The following CORO2B variants were observed in gnomAD, a reference collection of about 807,000 sequenced individuals.
CORO2B encodes the protein coronin 2B.
Under a neutral mutation model 58.8 loss-of-function variants are expected in CORO2B, and 26 were observed. The ratio of observed to expected loss-of-function variants is 0.44; its 90% confidence interval spans 0.32 to 0.61. The LOEUF (loss-of-function observed/expected upper bound fraction) is 0.61, where lower values mean the gene tolerates loss of function less well. Ranked by LOEUF, CORO2B falls within the 20% of genes least tolerant of loss-of-function variation. CORO2B has a pLI of 0.04. For missense variants in CORO2B, 460 were observed against 645.1 expected (o/e 0.71, Z 3.11); for synonymous variants, 242 against 253.8 (o/e 0.95, Z 0.44).
At chr15:68,547,832 T>C in the CORO2B span, among the ~76,000 whole-genome samples, 1 of 152,320 alleles carries the variant, frequency 6.6e-6, no homozygotes. Flanking sequence ...TACATAGTCA[T>C]ATCTTATGGA....
intron 2 of CORO2B, among the ~76,000 whole-genome samples, chr15:68,677,166 C>G (rs968457338): frequency 1.3e-5 from 2 of 152,210 alleles, no homozygotes; most frequent in Non-Finnish European, 2.9e-5. Context: ...AGCCATCTGT[C>G]AGTGCTCCCT....
In CORO2B at chr15:68,706,432, A is replaced by G. The variant is rs567341116; in HGVS notation, c.334-4300A>G. Among the ~76,000 whole-genome samples the G allele has an allele frequency of 4.6e-5, 7 of 151,976 alleles. No homozygotes were observed. In the South Asian group the frequency reaches 1.5e-3, roughly 32 times the overall value. ...GTGCTACTCAAGAGCAGGCATGGGC[A>G]AGTTCAACACCACACCCCACTGGCT... On this transcript the variant is annotated intron_variant, in intron 3 of 11. Transcript: ENST00000261861.
At chr15:68,725,819 G>A (rs1231982160) in intron 11 of CORO2B, 24 bp from the exon 12 acceptor site, 11 of 1,612,282 alleles carry the variant, frequency 6.8e-6, no homozygotes, top group African/African-American at 5.3e-5. Flanking sequence ...GCCCTCCTTG[G>A]CCCCCTCTCT....
chr15:68,586,097 T>G (rs1367864725), intron 1 of CORO2B, among the ~76,000 whole-genome samples: 1 of 152,210 alleles, frequency 6.6e-6, no homozygotes, highest in Non-Finnish European at 1.5e-5. Context: ...ATTTACTTGC[T>G]GTGTATTCTT....
the CORO2B span, among the ~76,000 whole-genome samples, chr15:68,565,101 T>G: frequency 6.6e-6 from 1 of 152,204 alleles, no homozygotes. Context: ...TAATTAATTA[T>G]GAGCAAAGAT....
chr15:68,703,060 C>G (rs1227929893), intron 3 of CORO2B, among the ~76,000 whole-genome samples: 3 of 146,632 alleles, frequency 2.0e-5, no homozygotes, highest in Non-Finnish European at 4.4e-5. Flanking sequence ...CTCCTGGACT[C>G]AAGTGATCCA....
intron 2 of CORO2B, among the ~76,000 whole-genome samples, chr15:68,691,726 G>A (rs1892382792): frequency 6.6e-6 from 1 of 151,434 alleles, no homozygotes; most frequent in Non-Finnish European, 1.5e-5. Flanking sequence ...TCCTTCCCGA[G>A]TGCAGGGCTC....
chr15:68,520,067 T>C, the CORO2B span, among the ~76,000 whole-genome samples: 1 of 152,230 alleles, frequency 6.6e-6, no homozygotes, highest in African/African-American at 2.4e-5. Context: ...TTTTCAATCA[T>C]CTAGTAATTT....
the CORO2B span, among the ~76,000 whole-genome samples, chr15:68,520,499 T>G: frequency 3.9e-5 from 6 of 152,236 alleles, no homozygotes; most frequent in Non-Finnish European, 7.3e-5. Context: ...ACTAGCACTT[T>G]TATCATTATG....
At chr15:68,616,929 CA>C (rs1566986217) in intron 1 of CORO2B, among the ~76,000 whole-genome samples, 1 of 152,120 alleles carries the variant, frequency 6.6e-6, no homozygotes, top group East Asian at 1.9e-4. Flanking sequence ...CAAAGGGTTT[CA>C]AAGGAAGAAG....
rs191451294 is a variant in CORO2B at position 68,715,549 on chromosome 15, T to A, written c.967+238T>A. Among the ~76,000 whole-genome samples the A allele has an allele frequency of 1.2e-3, 182 of 152,350 alleles. 1 individual carries two copies. The highest frequency in any genetic ancestry group is 2.2e-3 in the Non-Finnish European group (150 of 68,022). ...AGCGGCAGCTTGCCAGCATGTGCTC[T>A]GCGTCTGCACTCCTGATCGCAGATG... On this transcript the variant is annotated intron_variant, in intron 8 of 11. Coordinates refer to ENST00000261861, the MANE Select transcript of CORO2B (RefSeq NM_006091.5).
chr15:68,639,704 G>C (rs7178969), intron 1 of CORO2B, among the ~76,000 whole-genome samples: 104,404 of 152,146 alleles, frequency 0.69, 36,719 homozygotes, highest in African/African-American at 0.84. Flanking sequence ...ATGGGAAGCT[G>C]ACTACCTATC....
Position 68,725,938 on chromosome 15 carries a change from A to G in CORO2B, c.1407A>G (p.Glu469=). The G allele has an allele frequency of 1.2e-6, 2 of 1,614,018 alleles. No individual in the cohort carries two copies. Among genetic ancestry groups the G allele is most frequent in the Non-Finnish European group, 1.7e-6 (2 of 1,180,024 alleles). ...KDIRIRQLQL[E]LKNLRNSPKN... is the part of the protein sequence containing the mutation. ...TCCGCATTCGGCAGCTCCAGCTGGA[A>G]CTGAAAAACTTGCGCAACAGCCCCA... Residue 469 remains glutamate, a synonymous_variant, in exon 12 of 12, where the codon GAA becomes GAG. Transcript: ENST00000261861.
chr15:68,682,377 A>G (rs1902819410), intron 2 of CORO2B, among the ~76,000 whole-genome samples: 1 of 152,186 alleles, frequency 6.6e-6, no homozygotes, highest in Non-Finnish European at 1.5e-5. Context: ...AGGAAGGAGC[A>G]GATGTAAAGG....
At chr15:68,702,868 C>T (rs75046358) in intron 3 of CORO2B, among the ~76,000 whole-genome samples, 4,253 of 140,538 alleles carry the variant, frequency 0.03, 201 homozygotes, top group African/African-American at 0.1. Flanking sequence ...ACTTTGGCAC[C>T]CAGGCTGGAG....
chr15:68,609,002 G>A (rs555040090), intron 1 of CORO2B, among the ~76,000 whole-genome samples: 1 of 152,354 alleles, frequency 6.6e-6, no homozygotes, highest in Admixed American at 6.5e-5. Flanking sequence ...TCAAGGTGCA[G>A]CAGAGAGGAA....
rs143552269 is a variant in CORO2B, at chr15:68,666,444, T to G, written c.216+21084T>G. 1.2e-3 allele frequency among the ~76,000 whole-genome samples: 184 copies of G among 152,334 alleles called. 1 individual carries two copies. The highest frequency in any genetic ancestry group is 4.4e-3 in the African/African-American group (184 of 41,572). ...TCCCCCAGTCCCCAGTGTTCTGAAC[T>G]CCACAGGACCCAGGGAGTGGGTGAG... On this transcript the variant is annotated intron_variant, in intron 2 of 11. Coordinates refer to ENST00000261861, the MANE Select transcript of CORO2B (RefSeq NM_006091.5).
Position 68,716,433 on chromosome 15 carries a change from A to G in CORO2B, c.967+1122A>G, listed in dbSNP as rs889035772. On this transcript the variant is annotated intron_variant, in intron 8 of 11. Coordinates refer to ENST00000261861, the MANE Select transcript of CORO2B (RefSeq NM_006091.5). ...CTGCTCCTTCACATAGTTGTTCAAC[A>G]AACAGTTATTGACCTCCAGCTGTGT... is the stretch of plus-strand genomic sequence containing the variant. 7.2e-5 allele frequency among the ~76,000 whole-genome samples: 11 copies of G among 152,368 alleles called. No homozygotes were observed. In the East Asian group the frequency reaches 2.1e-3, roughly 29 times the overall value.
In CORO2B at chr15:68,604,351, C is replaced by T. The variant is rs557081366; in HGVS notation, c.15+25074C>T. 7.2e-5 allele frequency among the ~76,000 whole-genome samples: 11 copies of T among 152,260 alleles called. No individual in the cohort carries two copies. In the East Asian group the frequency reaches 1.4e-3, roughly 19 times the overall value. On this transcript the variant is annotated intron_variant, in intron 1 of 11. Coordinates refer to ENST00000261861, the MANE Select transcript of CORO2B (RefSeq NM_006091.5). ...CACCCCCAAACCGCCTTTCCTACCACGAGCAGAACAAGTGTGTTCCTGAAT... is the reference window on the plus strand; with the variant it reads ...CACCCCCAAACCGCCTTTCCTACCATGAGCAGAACAAGTGTGTTCCTGAAT...
Sources: allele counts gnomAD v4.1 joint callset (sites outside exome capture counted in the v4.1 genomes callset), GRCh38; gene constraint gnomAD v4.1.1; transcripts MANE v1.5; gene names NCBI Gene and HGNC (gene_info 2026-07-23, HGNC 2026-07-21).